GRID2: variants seen among roughly 807,000 people sequenced by gnomAD.
GRID2 encodes the protein glutamate ionotropic receptor delta type subunit 2.
A neutral mutation model predicts 114.8 loss-of-function variants in GRID2; 33 were observed. The observed-to-expected ratio is 0.29, with a 90% CI of 0.22 to 0.38. The LOEUF (loss-of-function observed/expected upper bound fraction) is 0.38, where lower values mean the gene tolerates loss of function less well. Ranked by LOEUF, GRID2 falls within the 10% of genes least tolerant of loss-of-function variation. GRID2 has a pLI of 1.00. For synonymous variants in GRID2, 505 were observed against 449.9 expected, an observed-to-expected ratio of 1.12 and a Z score of -1.55; for missense variants, 1,184 against 1,257.7, an observed-to-expected ratio of 0.94 and a Z score of 0.89.
chr4:92,490,207 A>G (rs1433901701), intron 1 of GRID2, among the ~76,000 whole-genome samples: 1 of 152,200 alleles, frequency 6.6e-6, no homozygotes, highest in African/African-American at 2.4e-5. Context: ...AAGATAGCAA[A>G]TATATGGAAA....
chr4:92,305,661 G>A (rs916248354), intron 1 of GRID2, among the ~76,000 whole-genome samples: 1 of 152,096 alleles, frequency 6.6e-6, no homozygotes, highest in Non-Finnish European at 1.5e-5. Context: ...CCACCTATTG[G>A]CAACCAGACG....
At chr4:92,626,066 C>A (rs1423381727) in intron 2 of GRID2, among the ~76,000 whole-genome samples, 1 of 151,752 alleles carries the variant, frequency 6.6e-6, no homozygotes, top group Non-Finnish European at 1.5e-5. Context: ...GCATAAAATA[C>A]AAAAATAATA....
intron 10 of GRID2, among the ~76,000 whole-genome samples, chr4:93,432,659 A>G (rs1188464894): frequency 6.6e-6 from 1 of 152,158 alleles, no homozygotes; most frequent in Non-Finnish European, 1.5e-5. Flanking sequence ...ACTATTTTGG[A>G]TGATACTCTA....
intron 1 of GRID2, among the ~76,000 whole-genome samples, chr4:92,415,317 A>G (rs970606722): frequency 5.9e-5 from 9 of 151,804 alleles, no homozygotes; most frequent in African/African-American, 9.7e-5. Flanking sequence ...AATTTTGTTT[A>G]TTTTTATTAT....
chr4:93,166,529 T>C (rs1276182731), intron 4 of GRID2, among the ~76,000 whole-genome samples: 2 of 152,198 alleles, frequency 1.3e-5, no homozygotes, highest in Non-Finnish European at 2.9e-5. Flanking sequence ...TTAGTAAACA[T>C]AACCCTGTAT....
At chr4:92,824,144 C>T (rs1741500828) in intron 2 of GRID2, among the ~76,000 whole-genome samples, 12 of 152,094 alleles carry the variant, frequency 7.9e-5, no homozygotes, top group Admixed American at 7.9e-4. Flanking sequence ...AGGAGTTTGA[C>T]CTGTAGGCTA....
intron 14 of GRID2, among the ~76,000 whole-genome samples, chr4:93,764,280 CA>C (rs1440054125): frequency 6.6e-6 from 1 of 151,892 alleles, no homozygotes; most frequent in Non-Finnish European, 1.5e-5. Context: ...TTTCAAATTG[CA>C]ATTAAGTTTT....
chr4:92,317,868 G>T (rs1284808301), intron 1 of GRID2, among the ~76,000 whole-genome samples: 1 of 152,140 alleles, frequency 6.6e-6, no homozygotes. Context: ...GGGTAATGCT[G>T]CTGACAACCA....
At chr4:93,020,875 A>T (rs1723213435) in intron 2 of GRID2, among the ~76,000 whole-genome samples, 1 of 152,060 alleles carries the variant, frequency 6.6e-6, no homozygotes, top group Non-Finnish European at 1.5e-5. Flanking sequence ...TCTACTAAAA[A>T]TACAAAATTA....
At chr4:93,350,338 C>G (rs1469800255) in intron 8 of GRID2, among the ~76,000 whole-genome samples, 5 of 152,036 alleles carry the variant, frequency 3.3e-5, no homozygotes, top group Admixed American at 6.6e-5. Flanking sequence ...CTTTTAGTTC[C>G]TAGAAGATAC....
At chr4:92,549,821 C>A (rs1410304041) in intron 1 of GRID2, among the ~76,000 whole-genome samples, 1 of 151,994 alleles carries the variant, frequency 6.6e-6, no homozygotes, top group Non-Finnish European at 1.5e-5. Flanking sequence ...ACACTTGATA[C>A]CCTGCATAAT....
chr4:93,523,811 G>GATGC (rs1362437735), intron 13 of GRID2, among the ~76,000 whole-genome samples: 1 of 152,132 alleles, frequency 6.6e-6, no homozygotes, highest in Non-Finnish European at 1.5e-5. Context: ...GATAGCAGCT[G>GATGC]ATGCATGCTA....
intron 2 of GRID2, among the ~76,000 whole-genome samples, chr4:92,940,646 A>G (rs1020482787): frequency 2.6e-5 from 4 of 152,074 alleles, no homozygotes; most frequent in Admixed American, 6.6e-5. Flanking sequence ...GTCTTGTGCC[A>G]GTTTTCAAAG....
chr4:93,198,498 T>C (rs936859349), intron 4 of GRID2, among the ~76,000 whole-genome samples: 1 of 152,068 alleles, frequency 6.6e-6, no homozygotes, highest in Non-Finnish European at 1.5e-5. Flanking sequence ...AGGAAAGTGA[T>C]TACAGCTGAA....
intron 3 of GRID2, among the ~76,000 whole-genome samples, chr4:93,095,794 AT>A (rs1368873248): frequency 6.6e-6 from 1 of 152,062 alleles, no homozygotes; most frequent in Non-Finnish European, 1.5e-5. Context: ...TGATTTTCAA[AT>A]TTTAGTCTTA....
intron 8 of GRID2, among the ~76,000 whole-genome samples, chr4:93,365,888 A>G (rs1166045878): frequency 6.6e-6 from 1 of 152,142 alleles, no homozygotes; most frequent in Non-Finnish European, 1.5e-5. Flanking sequence ...TAATACTTTT[A>G]TAATTTCTTA....
chr4:93,712,355 A>ATCT (rs1728558377), intron 14 of GRID2, among the ~76,000 whole-genome samples: 1 of 152,140 alleles, frequency 6.6e-6, no homozygotes, highest in Admixed American at 6.6e-5. Context: ...GTAGATAACA[A>ATCT]ATTACACTAT....
rs575606943 is a variant in GRID2, at chr4:93,722,079, G to A, written c.2361-47131G>A. Among the ~76,000 whole-genome samples, 60 of 151,336 alleles carry A rather than the reference G, an allele frequency of 4.0e-4. No homozygotes were observed. In the South Asian group the frequency reaches 6.9e-3, roughly 17 times the overall value. ...GATTACAGGCATCCACCACCACGCCGGGCTAATATTTTGTATTTTTAGTAG... is the reference window on the plus strand; with the variant it reads ...GATTACAGGCATCCACCACCACGCCAGGCTAATATTTTGTATTTTTAGTAG... On this transcript the variant is annotated intron_variant, in intron 14 of 15. Coordinates refer to ENST00000282020, the MANE Select transcript of GRID2 (RefSeq NM_001510.4).
intron 13 of GRID2, among the ~76,000 whole-genome samples, chr4:93,590,326 T>G (rs558471372): frequency 0.022 from 3,247 of 150,162 alleles, 108 homozygotes; most frequent in African/African-American, 0.072. Context: ...TTTCCCCATT[T>G]CTTGTTTTTG....
Sources: allele counts gnomAD v4.1 joint callset (sites outside exome capture counted in the v4.1 genomes callset), GRCh38; gene constraint gnomAD v4.1.1; transcripts MANE v1.5; gene names NCBI Gene and HGNC (gene_info 2026-07-23, HGNC 2026-07-21).